Variants in CSMD1 observed in about 807,000 individuals in gnomAD.
The protein encoded by CSMD1 is CUB and sushi domain-containing protein 1.
In CSMD1, 213 loss-of-function variants were observed where a neutral mutation model predicts 417.5. The ratio of observed to expected loss-of-function variants is 0.51; its 90% CI spans 0.46 to 0.57. The LOEUF is 0.57. Ranked by LOEUF, CSMD1 falls within the 20% of genes least tolerant of loss-of-function variation. The pLI, the probability that CSMD1 is intolerant of heterozygous loss-of-function variation, is 0.00. For synonymous variants in CSMD1, 2,862 were observed against 1,736.8 expected (o/e 1.65, Z -16.11); for missense variants, 6,923 against 4,529.7 (o/e 1.53, Z -15.17).
At chr8:3,620,335 A>T (rs1467411310) in intron 7 of CSMD1, among the ~76,000 whole-genome samples, 2 of 150,756 alleles carry the variant, frequency 1.3e-5, no homozygotes, top group Non-Finnish European at 2.9e-5. Flanking sequence ...AAGCCTCATG[A>T]AAAGAAAAGG....
chr8:3,090,553 A>G (rs572144156), intron 48 of CSMD1, among the ~76,000 whole-genome samples: 2 of 152,144 alleles, frequency 1.3e-5, no homozygotes, highest in South Asian at 2.1e-4. Flanking sequence ...AGAGTGAGCT[A>G]AAACCTTATT....
intron 5 of CSMD1, among the ~76,000 whole-genome samples, chr8:3,945,677 G>A (rs1030663670): frequency 2.6e-5 from 4 of 152,128 alleles, no homozygotes; most frequent in East Asian, 3.9e-4. Context: ...GTGAAATGAC[G>A]ACAGTCCAGA....
intron 1 of CSMD1, among the ~76,000 whole-genome samples, chr8:4,981,322 G>A (rs1297426531): frequency 6.6e-6 from 1 of 152,152 alleles, no homozygotes; most frequent in Non-Finnish European, 1.5e-5. Flanking sequence ...GCCCCTACTG[G>A]AGCAGGATGT....
chr8:4,530,075 C>T lies in CSMD1; in HGVS notation c.302+107267G>A, dbSNP rs991906523. Among the ~76,000 whole-genome samples, 12 of 151,572 alleles carry T rather than the reference C, an allele frequency of 7.9e-5. No homozygotes were observed. In the East Asian group the frequency reaches 1.4e-3, roughly 17 times the overall value. ...GACTACAGGTGCCCGCCACCACGCCCGACTAGTTTTTTGTATTTTAGTAGA... is the reference window on the plus strand; with the variant it reads ...GACTACAGGTGCCCGCCACCACGCCTGACTAGTTTTTTGTATTTTAGTAGA... On this transcript the variant is annotated intron_variant, in intron 2 of 69. Transcript: ENST00000635120.
intron 5 of CSMD1, among the ~76,000 whole-genome samples, chr8:3,992,309 G>C (rs1162522305): frequency 2.6e-5 from 4 of 152,102 alleles, no homozygotes; most frequent in Non-Finnish European, 4.4e-5. Context: ...GAGTACGCAA[G>C]TTTACAAGGG....
intron 1 of CSMD1, among the ~76,000 whole-genome samples, chr8:4,707,328 G>T (rs1366388973): frequency 6.6e-6 from 1 of 152,128 alleles, no homozygotes; most frequent in Non-Finnish European, 1.5e-5. Flanking sequence ...ATTTCTTCAA[G>T]ATCACAAAGG....
intron 2 of CSMD1, among the ~76,000 whole-genome samples, chr8:4,447,969 C>G (rs1187041891): frequency 6.6e-6 from 1 of 152,076 alleles, no homozygotes; most frequent in Non-Finnish European, 1.5e-5. Flanking sequence ...GCTAATAGTA[C>G]CAAAAAGCCT....
chr8:3,118,683 G>A (rs1817010886), intron 41 of CSMD1, 96 bp from the exon 42 acceptor site: 3 of 1,059,990 alleles, frequency 2.8e-6, no homozygotes, highest in South Asian at 3.1e-5. Flanking sequence ...TGCTTGAGAT[G>A]AAGTTGTTGG....
At chr8:4,196,850 A>G (rs779349039) in intron 3 of CSMD1, among the ~76,000 whole-genome samples, 2 of 152,272 alleles carry the variant, frequency 1.3e-5, no homozygotes, top group Non-Finnish European at 1.5e-5. Flanking sequence ...TAGCCTGCAC[A>G]TGCCTTCATA....
chr8:3,600,984 G>A (rs184505816), intron 8 of CSMD1, among the ~76,000 whole-genome samples: 6 of 152,126 alleles, frequency 3.9e-5, no homozygotes, highest in African/African-American at 1.4e-4. Context: ...CTATTCCAAG[G>A]GGGTCTCTGT....
At chr8:4,011,393 C>T (rs1165388868) in intron 4 of CSMD1, among the ~76,000 whole-genome samples, 3 of 152,200 alleles carry the variant, frequency 2.0e-5, no homozygotes, top group Non-Finnish European at 4.4e-5. Flanking sequence ...CCAGACTCCA[C>T]ATTCCCCTCT....
chr8:3,329,131 G>T (rs1336216423), intron 23 of CSMD1, among the ~76,000 whole-genome samples: 1 of 152,174 alleles, frequency 6.6e-6, no homozygotes, highest in Non-Finnish European at 1.5e-5. Flanking sequence ...GGAGGTGGAA[G>T]ATATGTAATT....
At chr8:4,900,872 G>A (rs796464858) in intron 1 of CSMD1, among the ~76,000 whole-genome samples, 4 of 152,032 alleles carry the variant, frequency 2.6e-5, no homozygotes, top group South Asian at 4.2e-4. Context: ...TCCTTCAGTC[G>A]AGCACAGTCA....
chr8:3,789,726 ATTTTTTTTT>A (rs55917452), intron 5 of CSMD1, among the ~76,000 whole-genome samples: 1 of 101,120 alleles, frequency 9.9e-6, no homozygotes, highest in Non-Finnish European at 1.9e-5. Context: ...ATCATGGTTA[ATTTTTTTTT>A]TTTTTTTTTT....
chr8:3,771,935 C>G (rs546737195), intron 5 of CSMD1, among the ~76,000 whole-genome samples: 8 of 152,034 alleles, frequency 5.3e-5, no homozygotes, highest in African/African-American at 1.9e-4. Flanking sequence ...GGCAACTCAA[C>G]AAGCCGTGTA....
chr8:4,017,617 T>A (rs1415244154), intron 4 of CSMD1, among the ~76,000 whole-genome samples: 1 of 152,298 alleles, frequency 6.6e-6, no homozygotes, highest in South Asian at 2.1e-4. Flanking sequence ...CCACCTCGTT[T>A]ATAACTCTAA....
At chr8:3,519,404 C>G (rs1797409530) in intron 10 of CSMD1, among the ~76,000 whole-genome samples, 1 of 152,166 alleles carries the variant, frequency 6.6e-6, no homozygotes, top group Non-Finnish European at 1.5e-5. Context: ...ATTCACTAGT[C>G]TGGTAATTGC....
At chr8:4,754,791 G>C (rs1811565704) in intron 1 of CSMD1, among the ~76,000 whole-genome samples, 1 of 152,118 alleles carries the variant, frequency 6.6e-6, no homozygotes, top group Non-Finnish European at 1.5e-5. Flanking sequence ...AGAGGTTGCA[G>C]TGAGCCGAGA....
chr8:3,867,574 G>A (rs1017433711), intron 5 of CSMD1, among the ~76,000 whole-genome samples: 1 of 152,092 alleles, frequency 6.6e-6, no homozygotes, highest in Admixed American at 6.5e-5. Flanking sequence ...CTAATGAACT[G>A]TGTGGATATC....
Sources: gnomAD v4.1 joint callset for allele counts (sites outside exome capture counted in the v4.1 genomes callset) on GRCh38, gnomAD v4.1.1 for gene constraint, MANE v1.5 for transcripts, NCBI Gene and HGNC (gene_info 2026-07-23, HGNC 2026-07-21) for gene names.